UBE3C: variants seen among roughly 807,000 people sequenced by gnomAD.
UBE3C encodes the protein ubiquitin-protein ligase E3C.
Under a neutral mutation model 129.4 loss-of-function variants are expected in UBE3C, and 42 were observed. The observed-to-expected ratio is 0.32, with a 90% CI of 0.25 to 0.42. The LOEUF (loss-of-function observed/expected upper bound fraction) is 0.42. UBE3C is among the 10% of genes least tolerant of loss of function. The probability of loss-of-function intolerance (pLI) is 1.00; values close to 1 mark genes in which losing one functional copy is unlikely to be tolerated. For missense variants in UBE3C, 1,049 were observed against 1,319.1 expected, an observed-to-expected ratio of 0.80 and a Z score of 3.17; for synonymous variants, 510 against 492.4, an observed-to-expected ratio of 1.04 and a Z score of -0.47.
At chr7:157,214,220 A>G (rs754515935) in intron 13 of UBE3C, among the ~76,000 whole-genome samples, 1 of 152,188 alleles carries the variant, frequency 6.6e-6, no homozygotes. Context: ...ATGAAAGAGG[A>G]TACACTATAT....
chr7:157,248,312 T>G, intron 18 of UBE3C, 56 bp from the exon 19 acceptor site: 2 of 1,244,700 alleles, frequency 1.6e-6, no homozygotes, highest in South Asian at 2.8e-5. Flanking sequence ...TATGGCTCTT[T>G]GTTTGTAGAA....
chr7:157,146,663 T>C (rs1012533567), intron 1 of UBE3C, among the ~76,000 whole-genome samples: 7 of 150,646 alleles, frequency 4.6e-5, no homozygotes, highest in African/African-American at 7.5e-5. Flanking sequence ...TAAACTAAAC[T>C]TTTTTTTAAT....
At chr7:157,168,023 T>C (rs1383529170) in intron 2 of UBE3C, among the ~76,000 whole-genome samples, 2 of 152,130 alleles carry the variant, frequency 1.3e-5, no homozygotes, top group Non-Finnish European at 2.9e-5. Context: ...ATGCTGGTGT[T>C]GTCTGCTTGT....
At chr7:157,211,187 A>AGAGAGAGAGAGAGAGAGAGAGC (rs1809584287) in intron 13 of UBE3C, among the ~76,000 whole-genome samples, 1 of 151,838 alleles carries the variant, frequency 6.6e-6, no homozygotes, top group Admixed American at 6.6e-5. Flanking sequence ...AGAGAGAGAG[A>AGAGAGAGAGAGAGAGAGAGAGC]GAGAGAGCCA....
At chr7:157,188,647 T>G (rs1444221043) in intron 10 of UBE3C, among the ~76,000 whole-genome samples, 1 of 152,228 alleles carries the variant, frequency 6.6e-6, no homozygotes, top group African/African-American at 2.4e-5. Flanking sequence ...GTGAAGGAAC[T>G]TTCTGTGTAG....
chr7:157,231,992 T>C (rs1796034250), intron 18 of UBE3C, among the ~76,000 whole-genome samples: 3 of 152,130 alleles, frequency 2.0e-5, no homozygotes, highest in Admixed American at 1.3e-4. Flanking sequence ...AAACTCAGGG[T>C]GTCAGCAGCA....
At chr7:157,267,199 A>G (rs1267584852) in intron 22 of UBE3C, among the ~76,000 whole-genome samples, 1 of 150,524 alleles carries the variant, frequency 6.6e-6, no homozygotes, top group African/African-American at 2.5e-5. Context: ...AGAGGTGGGC[A>G]GATCACAAAG....
chr7:157,167,073 G>A (rs2116874379), intron 2 of UBE3C, among the ~76,000 whole-genome samples: 1 of 152,188 alleles, frequency 6.6e-6, no homozygotes, highest in South Asian at 2.1e-4. Flanking sequence ...GGGATTACAG[G>A]CGTGCACCAC....
At chr7:157,231,380 T>TTAA in intron 18 of UBE3C, 53 bp downstream of exon 18, 6 of 1,592,712 alleles carry the variant, frequency 3.8e-6, no homozygotes, top group Non-Finnish European at 5.1e-6. Flanking sequence ...TGTTGACATT[T>TTAA]TATGTTTATG....
chr7:157,160,313 G>T (rs971918866), intron 1 of UBE3C, among the ~76,000 whole-genome samples: 1 of 152,122 alleles, frequency 6.6e-6, no homozygotes, highest in South Asian at 2.1e-4. Flanking sequence ...GACCTCAGGC[G>T]ATCTGCCGGC....
At chr7:157,256,048 G>A (rs531035307) in intron 21 of UBE3C, among the ~76,000 whole-genome samples, 1 of 152,316 alleles carries the variant, frequency 6.6e-6, no homozygotes, top group African/African-American at 2.4e-5. Context: ...TTGAACTGCA[G>A]CACGGTTCTT....
intron 2 of UBE3C, chr7:157,164,622 C>G (rs999185929): frequency 2.8e-6 from 1 of 357,520 alleles, no homozygotes; most frequent in African/African-American, 2.1e-5. Flanking sequence ...GTTGATTAAT[C>G]AGCAATTGTA....
At chr7:157,216,781 T>C (rs1309025669) in intron 13 of UBE3C, 86 bp from the exon 14 acceptor site, 3 of 1,066,904 alleles carry the variant, frequency 2.8e-6, no homozygotes, top group Non-Finnish European at 4.2e-6. Context: ...CACCGCTGTG[T>C]GCTCCTCCTC....
intron 1 of UBE3C, among the ~76,000 whole-genome samples, chr7:157,148,850 A>G (rs1194949209): frequency 6.8e-6 from 1 of 146,608 alleles, no homozygotes; most frequent in African/African-American, 2.5e-5. Context: ...CCTGATCTCC[A>G]GCGATTCTCC....
At chr7:157,154,566 A>G (rs1807851188) in intron 1 of UBE3C, among the ~76,000 whole-genome samples, 1 of 152,196 alleles carries the variant, frequency 6.6e-6, no homozygotes, top group Non-Finnish European at 1.5e-5. Flanking sequence ...ATAATACTCC[A>G]TAGCATAGTT....
chr7:157,164,467 G>A, intron 2 of UBE3C: 1 of 456,634 alleles, frequency 2.2e-6, no homozygotes. Flanking sequence ...TGATGTTGAT[G>A]TTTCATGAAG....
chr7:157,199,010 C>T (rs1177892662), intron 10 of UBE3C, among the ~76,000 whole-genome samples: 1 of 152,062 alleles, frequency 6.6e-6, no homozygotes, highest in Non-Finnish European at 1.5e-5. Flanking sequence ...TAATTATAAT[C>T]TTAGTGACAA....
At chr7:157,204,750 C>T (rs1202511333) in intron 11 of UBE3C, among the ~76,000 whole-genome samples, 1 of 152,224 alleles carries the variant, frequency 6.6e-6, no homozygotes, top group Non-Finnish European at 1.5e-5. Flanking sequence ...TTGACTACAA[C>T]ATAACATAGA....
chr7:157,266,002 C>T (rs372376326), intron 22 of UBE3C, among the ~76,000 whole-genome samples: 56 of 152,316 alleles, frequency 3.7e-4, no homozygotes, highest in Admixed American at 1.1e-3. Context: ...CCCTCAATTT[C>T]GTCTTGTAAT....
Sources: allele counts gnomAD v4.1 joint callset (sites outside exome capture counted in the v4.1 genomes callset), GRCh38; gene constraint gnomAD v4.1.1; transcripts MANE v1.5; gene names NCBI Gene and HGNC (gene_info 2026-07-23, HGNC 2026-07-21).